The following EPDR1 variants were observed in gnomAD, a reference collection of about 807,000 sequenced individuals.
EPDR1 encodes mammalian ependymin-related protein 1.
Under a neutral mutation model 23.7 loss-of-function variants are expected in EPDR1, and 27 were observed. That is an observed-to-expected ratio of 1.14 (90% confidence interval 0.84 to 1.57). EPDR1 has a LOEUF of 1.57. Among genes scored for constraint, EPDR1 ranks in the 40% most tolerant of loss-of-function variants. The pLI is 0.00. For missense variants in EPDR1, 349 were observed against 290.4 expected, an observed-to-expected ratio of 1.20 and a Z score of -1.47; for synonymous variants, 137 against 118.2, an observed-to-expected ratio of 1.16 and a Z score of -1.03.
chr7:37,936,039 T>TATATACACAC lies in EPDR1; in HGVS notation c.270-12800_270-12799insTATACACACA, dbSNP rs57925993. Among the ~76,000 whole-genome samples, 71 of 80,942 alleles carry TATATACACAC rather than the reference T, an allele frequency of 8.8e-4. 6 individuals are homozygous for TATATACACAC. The highest frequency in any genetic ancestry group is 2.5e-3 in the African/African-American group (60 of 23,548). 53.1% of individuals were successfully genotyped at this position (80,942 alleles called of 152,430 possible). A position where few individuals can be genotyped will look rare whatever the true frequency, so the allele number is the denominator to read the frequency against. ...ATATATATATATATATATATATATA[T>TATATACACAC]ACACAAGGGAAATGTGAATCTGTTA... On this transcript the variant is annotated intron_variant, in intron 1 of 2. Coordinates refer to ENST00000199448, the MANE Select transcript of EPDR1 (RefSeq NM_017549.5).
chr7:37,940,189 A>T (rs1786141758), intron 1 of EPDR1, among the ~76,000 whole-genome samples: 1 of 152,220 alleles, frequency 6.6e-6, no homozygotes, highest in South Asian at 2.1e-4. Flanking sequence ...TTCTGTAAAG[A>T]AGAAGAGAAA....
Position 37,950,241 on chromosome 7 carries a change from C to T in EPDR1, c.520C>T (p.Pro174Ser). ...IGIYTVKDCY[P>S]VQETFTINYS... ...CATCTATACAGTCAAGGATTGCTATCCTGTCCAGGAAACCTTTACCATAAA... is the reference window on the plus strand; with the variant it reads ...CATCTATACAGTCAAGGATTGCTATTCTGTCCAGGAAACCTTTACCATAAA... The change falls in exon 3 of 3, where the codon CCT becomes TCT. Residue 174 changes from proline (P) to serine (S), a missense_variant. Transcript: ENST00000199448. 6.2e-7 allele frequency: 1 copy of T among 1,614,080 alleles called. No individual in the cohort carries two copies. Among genetic ancestry groups the T allele is most frequent in the South Asian group, 1.1e-5 (1 of 91,054 alleles).
At chr7:37,926,518 C>T (rs1214409052) in intron 1 of EPDR1, among the ~76,000 whole-genome samples, 1 of 146,692 alleles carries the variant, frequency 6.8e-6, no homozygotes, top group Non-Finnish European at 1.5e-5. Flanking sequence ...GCAAGCATTA[C>T]ACTTAAGTGT....
chr7:37,944,360 G>A (rs1005321864), intron 1 of EPDR1, among the ~76,000 whole-genome samples: 5 of 152,226 alleles, frequency 3.3e-5, no homozygotes, highest in African/African-American at 9.6e-5. Flanking sequence ...CACAGGTCGA[G>A]ATGAAAGAAT....
Position 37,920,892 on chromosome 7 carries a change from G to GC in EPDR1, c.-43dup. ...CCACTCTGATCCCGGACGCCTCAGC[G>GC]CCCCCTTGGGCTTGGGCTTGCCCTC... On this transcript the variant is annotated 5_prime_UTR_variant, in exon 1 of 3. Transcript: ENST00000199448. The GC allele has an allele frequency of 3.1e-6, 5 of 1,611,462 alleles. No individual in the cohort carries two copies. The South Asian group carries it at 4.4e-5, about 14-fold the overall frequency.
Position 37,921,134 on chromosome 7 carries a change from C to T in EPDR1, c.195C>T (p.Ala65=). ...YQQSSGRNSR[A]LLSYDGLNQR... ...AAAGTAGCGGGCGCAACAGCCGCGC[C>T]CTGCTCTCCTACGACGGGCTCAACC... Residue 65 remains alanine (A), a synonymous_variant, in exon 1 of 3, where the codon GCC becomes GCT. Coordinates refer to ENST00000199448, the MANE Select transcript of EPDR1 (RefSeq NM_017549.5). 6.3e-7 allele frequency: 1 copy of T among 1,595,980 alleles called. No homozygotes were observed. The highest frequency in any genetic ancestry group is 8.5e-7 in the Non-Finnish European group (1 of 1,178,678).
At chr7:37,936,165 T>A (rs1004948249) in intron 1 of EPDR1, among the ~76,000 whole-genome samples, 1 of 150,222 alleles carries the variant, frequency 6.7e-6, no homozygotes, top group Admixed American at 6.6e-5. Flanking sequence ...AAAAAATACA[T>A]TGTAATCAAG....
At chr7:37,940,623 A>T (rs865883621) in intron 1 of EPDR1, among the ~76,000 whole-genome samples, 1 of 152,202 alleles carries the variant, frequency 6.6e-6, no homozygotes, top group Non-Finnish European at 1.5e-5. Flanking sequence ...TATTTATAAT[A>T]GTTTTGAAGT....
At chr7:37,932,273 T>A (rs146210058) in intron 1 of EPDR1, among the ~76,000 whole-genome samples, 25 of 152,272 alleles carry the variant, frequency 1.6e-4, no homozygotes, top group Non-Finnish European at 3.1e-4. Context: ...AAGCCATGAC[T>A]GCATTTTTAA....
At chr7:37,944,017 G>C (rs180770532) in intron 1 of EPDR1, among the ~76,000 whole-genome samples, 1 of 152,068 alleles carries the variant, frequency 6.6e-6, no homozygotes, top group East Asian at 1.9e-4. Flanking sequence ...GCTGCTCCCC[G>C]GGTCTCTCCA....
rs375580572 is a variant in EPDR1, at chr7:37,943,870, C to T, written c.270-4970C>T. Among the ~76,000 whole-genome samples the T allele has an allele frequency of 2.4e-4, 36 of 152,332 alleles. No individual in the cohort carries two copies. In the East Asian group the frequency reaches 5.8e-3, roughly 24 times the overall value. The stretch of plus-strand genomic sequence containing the variant: ...TTCTGTATGTGGGCAGAGCGGGCCT[C>T]AGGGAAACAGTGAAGCTGTGAGTGT... On this transcript the variant is annotated intron_variant, in intron 1 of 2. Transcript: ENST00000199448.
In EPDR1 at chr7:37,930,024, CAAAG is replaced by C. The variant is rs1277163807; in HGVS notation, c.269+8821_269+8824del. On this transcript the variant is annotated intron_variant, in intron 1 of 2. Transcript: ENST00000199448. Reference sequence around the variant, plus strand: ...GTGCCTAAGTTACCCTCAGTCCCCCCAAAGAAAGGAGAAACTCTTGGGATGATGG... The same window carrying C: ...GTGCCTAAGTTACCCTCAGTCCCCCCAAAGGAGAAACTCTTGGGATGATGG... 3.3e-5 allele frequency among the ~76,000 whole-genome samples: 5 copies of C among 152,288 alleles called. No homozygotes were observed. The East Asian group carries it at 9.6e-4, about 29-fold the overall frequency.
intron 1 of EPDR1, among the ~76,000 whole-genome samples, chr7:37,932,735 T>A (rs1427933902): frequency 6.6e-6 from 1 of 152,204 alleles, no homozygotes; most frequent in Non-Finnish European, 1.5e-5. Context: ...AACCTGGATA[T>A]CTCAGTACTA....
In EPDR1 at chr7:37,920,770, C is replaced by G. The variant is rs1315517613; in HGVS notation, c.-170C>G. On this transcript the variant is annotated 5_prime_UTR_variant, in exon 1 of 3. Coordinates refer to ENST00000199448, the MANE Select transcript of EPDR1 (RefSeq NM_017549.5). ...CTGGTCCCGGCTACCGGGACTCGCGCGTCCGGATCTCAAAAGCGGCAGAGG... is the reference window on the plus strand; with the variant it reads ...CTGGTCCCGGCTACCGGGACTCGCGGGTCCGGATCTCAAAAGCGGCAGAGG... The G allele has an allele frequency of 6.2e-7, 1 of 1,609,578 alleles. No individual in the cohort carries two copies. Among genetic ancestry groups the G allele is most frequent in the South Asian group, 1.1e-5 (1 of 90,134 alleles).
At chr7:37,945,932 G>C (rs1187935571) in intron 1 of EPDR1, among the ~76,000 whole-genome samples, 1 of 151,960 alleles carries the variant, frequency 6.6e-6, no homozygotes, top group Admixed American at 6.6e-5. Context: ...GCGTCCATTT[G>C]TTCTCATCAT....
Position 37,948,979 on chromosome 7 carries a change from T to C in EPDR1, c.409T>C (p.Tyr137His), listed in dbSNP as rs768812466. Reference protein sequence around the residue: ...IPQNSTFEDQYSIGGPQEQIT... With the variant: ...IPQNSTFEDQHSIGGPQEQIT... ...TCAAAACTCCACCTTTGAAGACCAG[T>C]ACTCCATCGGGGGGCCTCAGGAGCA... Residue 137 changes from tyrosine to histidine, a missense_variant, in exon 2 of 3, where the codon TAC becomes CAC. Tyr to His is a moderately conservative substitution (Grantham distance 83). Transcript: ENST00000199448. The C allele has an allele frequency of 2.1e-5, 34 of 1,614,024 alleles. No individual in the cohort carries two copies. The highest frequency in any genetic ancestry group is 2.9e-5 in the Non-Finnish European group (34 of 1,180,022).
At chr7:37,941,196 A>G (rs1786166509) in intron 1 of EPDR1, among the ~76,000 whole-genome samples, 4 of 152,214 alleles carry the variant, frequency 2.6e-5, no homozygotes, top group South Asian at 4.1e-4. Flanking sequence ...AGATAGATGG[A>G]TGTCATTTAC....
chr7:37,934,582 A>G (rs1241528095), intron 1 of EPDR1, among the ~76,000 whole-genome samples: 1 of 152,182 alleles, frequency 6.6e-6, no homozygotes, highest in East Asian at 1.9e-4. Context: ...GAGTACAGTC[A>G]GCCCTCTGCA....
chr7:37,935,551 A>T (rs1786030658), intron 1 of EPDR1, among the ~76,000 whole-genome samples: 1 of 152,198 alleles, frequency 6.6e-6, no homozygotes, highest in Non-Finnish European at 1.5e-5. Flanking sequence ...AGAAGTAGAG[A>T]GATGACATTT....
Sources: allele counts gnomAD v4.1 joint callset (sites outside exome capture counted in the v4.1 genomes callset), GRCh38; gene constraint gnomAD v4.1.1; transcripts MANE v1.5; gene names NCBI Gene and HGNC (gene_info 2026-07-23, HGNC 2026-07-21).